The following SEMA4B variants were observed in gnomAD, a reference collection of about 807,000 sequenced individuals.
SEMA4B encodes semaphorin 4B.
SEMA4B carries 55 observed loss-of-function variants against 88.1 expected under a neutral mutation model. The observed-to-expected ratio is 0.62, with a 90% CI of 0.50 to 0.78. The LOEUF is 0.78. Ranked by LOEUF, SEMA4B falls within the 30% of genes least tolerant of loss-of-function variation. SEMA4B has a pLI of 0.00. For synonymous variants in SEMA4B, 525 were observed against 473.6 expected (o/e 1.11, Z -1.41); for missense variants, 1,062 against 1,111.9 (o/e 0.96, Z 0.64).
At chr15:90,193,910 G>A (rs1179180639) in intron 1 of SEMA4B, among the ~76,000 whole-genome samples, 1 of 151,502 alleles carries the variant, frequency 6.6e-6, no homozygotes, top group East Asian at 1.9e-4. Context: ...GGAGCACAGT[G>A]GCGCCATCTT....
intron 1 of SEMA4B, among the ~76,000 whole-genome samples, chr15:90,202,211 C>A (rs1021076462): frequency 6.6e-6 from 1 of 152,250 alleles, no homozygotes; most frequent in Admixed American, 6.5e-5. Context: ...CCCTCTCCGC[C>A]CCTCCATCCC....
At chr15:90,206,897 T>C (rs1453234228) in intron 1 of SEMA4B, 11 of 700,586 alleles carry the variant, frequency 1.6e-5, no homozygotes, top group Non-Finnish European at 2.9e-5. Context: ...AGTTGTATAG[T>C]AGTTAAGGAC....
At chr15:90,187,445 TGA>T (rs1003302908) in intron 1 of SEMA4B, among the ~76,000 whole-genome samples, 3 of 152,164 alleles carry the variant, frequency 2.0e-5, no homozygotes, top group African/African-American at 7.2e-5. Context: ...ATGAAAAAGC[TGA>T]GTTAGGCAGG....
In SEMA4B at chr15:90,225,196, A is replaced by G. The variant is rs771708971; in HGVS notation, c.1405+18A>G. ...GGGCACTGGTAAGTGTCTGCAGCCCAGCAGGCTCAGGGGAAGGGGTGCACG... is the reference window on the plus strand; with the variant it reads ...GGGCACTGGTAAGTGTCTGCAGCCCGGCAGGCTCAGGGGAAGGGGTGCACG... On this transcript the variant is annotated intron_variant, in intron 10 of 13. Transcript: ENST00000411539. 1.6e-5 allele frequency: 25 copies of G among 1,576,144 alleles called. No homozygotes were observed. Among genetic ancestry groups the G allele is most frequent in the Non-Finnish European group, 2.1e-5 (24 of 1,160,524 alleles).
In SEMA4B at chr15:90,228,249, G is replaced by A. The variant is rs968297035; in HGVS notation, c.2120G>A (p.Ser707Asn). The change falls in exon 14 of 14, where the codon AGC (serine) becomes AAC (asparagine). Residue 707 changes from serine to asparagine, a missense_variant. Coordinates refer to ENST00000411539, the MANE Select transcript of SEMA4B (RefSeq NM_198925.4). ...AGTGCACCAGCTGGTGGCAAGGCCAGCTGGGGTGCAGACAGGTCCTACTGG... is the reference window on the plus strand; with the variant it reads ...AGTGCACCAGCTGGTGGCAAGGCCAACTGGGGTGCAGACAGGTCCTACTGG... ...RVSAPAGGKASWGADRSYWKE... is the reference protein window; with the variant it reads ...RVSAPAGGKANWGADRSYWKE... 1.9e-6 allele frequency: 3 copies of A among 1,598,192 alleles called. No homozygotes were observed. Among genetic ancestry groups the A allele is most frequent in the Admixed American group, 3.4e-5 (2 of 58,862 alleles).
At chr15:90,215,282 G>T (rs1225637760) in intron 1 of SEMA4B, among the ~76,000 whole-genome samples, 1 of 150,448 alleles carries the variant, frequency 6.6e-6, no homozygotes, top group Admixed American at 6.6e-5. Context: ...GCTTATTAGA[G>T]AATCTAAAAA....
At chr15:90,225,490 T>C (rs186808432) in intron 11 of SEMA4B, 93 bp downstream of exon 11, 6 of 1,332,640 alleles carry the variant, frequency 4.5e-6, no homozygotes, top group East Asian at 5.0e-5. Flanking sequence ...CTCCCTTGCC[T>C]CAGGAGGATG....
intron 1 of SEMA4B, among the ~76,000 whole-genome samples, chr15:90,208,659 C>T (rs761199152): frequency 1.3e-5 from 2 of 152,226 alleles, no homozygotes; most frequent in Non-Finnish European, 2.9e-5. Flanking sequence ...TGTCTTGTGC[C>T]CCTTCCAGTC....
intron 1 of SEMA4B, among the ~76,000 whole-genome samples, chr15:90,194,903 T>A (rs2151586475): frequency 6.6e-6 from 1 of 152,366 alleles, no homozygotes; most frequent in East Asian, 1.9e-4. Flanking sequence ...ACATTTCAAC[T>A]GTAAAGCTTC....
At chr15:90,219,992 G>A in intron 4 of SEMA4B, 101 bp downstream of exon 4, 1 of 888,168 alleles carries the variant, frequency 1.1e-6, no homozygotes, top group South Asian at 1.7e-5. Flanking sequence ...GAAAGGCAGG[G>A]CCCAGAGGGA....
intron 1 of SEMA4B, among the ~76,000 whole-genome samples, chr15:90,186,275 A>C (rs1188542017): frequency 6.6e-6 from 1 of 151,896 alleles, no homozygotes; most frequent in Non-Finnish European, 1.5e-5. Flanking sequence ...AAAATCTAGG[A>C]TATGTCTCCT....
intron 3 of SEMA4B, among the ~76,000 whole-genome samples, chr15:90,218,201 C>T (rs1284176246): frequency 6.6e-6 from 1 of 152,150 alleles, no homozygotes; most frequent in Non-Finnish European, 1.5e-5. Flanking sequence ...AGTTGTGTCC[C>T]TCTGCAGATG....
At chr15:90,199,151 G>C (rs1202154402), upstream of SEMA4B, among the ~76,000 whole-genome samples, 1 of 152,102 alleles carries the variant, frequency 6.6e-6, no homozygotes, top group African/African-American at 2.4e-5. Flanking sequence ...TGGGATTACA[G>C]GCGTGAGCCA....
intron 1 of SEMA4B, among the ~76,000 whole-genome samples, chr15:90,211,822 C>G (rs1418773151): frequency 6.6e-6 from 1 of 152,166 alleles, no homozygotes; most frequent in East Asian, 1.9e-4. Flanking sequence ...GGCCCCTTCC[C>G]CACCGACTCC....
rs1961595477 is a variant in SEMA4B, at chr15:90,217,586, G to T, written c.305G>T (p.Gly102Val). The change falls in exon 2 of 14, where the codon GGC (glycine) becomes GTC (valine). Residue 102 changes from glycine (G) to valine (V), a missense_variant. Physicochemically the swap from Gly to Val is moderately radical, Grantham distance 109 (BLOSUM62 -3). Transcript: ENST00000411539. Reference protein sequence around the residue: ...ALSSNLSFLPGGEYQELLWGA... With the variant: ...ALSSNLSFLPVGEYQELLWGA... ...AGTAGCAACCTCAGCTTCCTGCCAGGCGGGGAGTACCAGGAGGTGAGAGAT... is the reference window on the plus strand; with the variant it reads ...AGTAGCAACCTCAGCTTCCTGCCAGTCGGGGAGTACCAGGAGGTGAGAGAT... 1 of 1,613,892 alleles carries T rather than the reference G, an allele frequency of 6.2e-7. No individual in the cohort carries two copies. The highest frequency in any genetic ancestry group is 2.2e-5 in the East Asian group (1 of 44,882).
At chr15:90,197,367 G>T (rs908775640), upstream of SEMA4B, among the ~76,000 whole-genome samples, 2 of 152,018 alleles carry the variant, frequency 1.3e-5, no homozygotes, top group African/African-American at 4.8e-5. Context: ...TCCAGCCTGG[G>T]TGACAGAGTG....
intron 11 of SEMA4B, 99 bp from the exon 12 acceptor site, chr15:90,225,562 C>T: frequency 7.1e-7 from 1 of 1,404,638 alleles, no homozygotes; most frequent in Non-Finnish European, 9.7e-7. Context: ...CGTAACAGGC[C>T]TCTTGGGGGT....
rs1961857748 is a variant in SEMA4B, at chr15:90,221,710, A to T, written c.806A>T (p.Gln269Leu). 3 of 1,613,890 alleles carry T rather than the reference A, an allele frequency of 1.9e-6. No individual in the cohort carries two copies. Among genetic ancestry groups the T allele is most frequent in the East Asian group, 4.5e-5 (2 of 44,882 alleles). ...KIYFFFSETGQEFEFFENTIV... is the reference protein window; with the variant it reads ...KIYFFFSETGLEFEFFENTIV... ...TACTTTTTCTTCAGCGAGACTGGCC[A>T]GGAATTTGAGTTCTTTGAGAACACC... is the stretch of plus-strand genomic sequence containing the variant. The change falls in exon 7 of 14, where the codon CAG becomes CTG. Residue 269 changes from glutamine (Q) to leucine (L), a missense_variant. Physicochemically the swap from Gln to Leu is moderately radical, Grantham distance 113. Transcript: ENST00000411539.
intron 1 of SEMA4B, among the ~76,000 whole-genome samples, chr15:90,194,485 T>C (rs572306730): frequency 2.0e-5 from 3 of 152,036 alleles, no homozygotes; most frequent in South Asian, 4.2e-4. Flanking sequence ...TGAGCTGATA[T>C]CATGCCATTG....
Sources: allele counts gnomAD v4.1 joint callset (sites outside exome capture counted in the v4.1 genomes callset), GRCh38; gene constraint gnomAD v4.1.1; transcripts MANE v1.5; gene names NCBI Gene and HGNC (gene_info 2026-07-23, HGNC 2026-07-21).